The following RNF180 variants were observed in gnomAD, a reference collection of about 807,000 sequenced individuals.
The protein encoded by RNF180 is ring finger protein 180.
Under a neutral mutation model 59.2 loss-of-function variants are expected in RNF180, and 38 were observed. The ratio of observed to expected loss-of-function variants is 0.64; its 90% CI spans 0.50 to 0.84. RNF180 has a LOEUF of 0.84. Ranked by LOEUF, RNF180 falls within the 40% of genes least tolerant of loss-of-function variation. The pLI, the probability that RNF180 is intolerant of heterozygous loss-of-function variation, is 0.00. For synonymous variants in RNF180, 262 were observed against 240.3 expected, an observed-to-expected ratio of 1.09 and a Z score of -0.84; for missense variants, 705 against 700.9, an observed-to-expected ratio of 1.01 and a Z score of -0.07.
chr5:64,327,905 TC>T (rs1183504132), intron 6 of RNF180, among the ~76,000 whole-genome samples: 2 of 152,242 alleles, frequency 1.3e-5, no homozygotes, highest in Admixed American at 6.5e-5. Flanking sequence ...TATCTCTCTC[TC>T]TTTAGATCTA....
intron 6 of RNF180, among the ~76,000 whole-genome samples, chr5:64,329,079 G>A (rs180815643): frequency 1.0e-3 from 159 of 152,286 alleles, no homozygotes; most frequent in African/African-American, 3.7e-3. Context: ...TAACTCATTA[G>A]TAAGCTTCTG....
intron 7 of RNF180, among the ~76,000 whole-genome samples, chr5:64,335,308 T>C (rs1359579370): frequency 6.6e-6 from 1 of 152,106 alleles, no homozygotes; most frequent in Non-Finnish European, 1.5e-5. Context: ...TACTTTGATA[T>C]ATTTTAATGA....
intron 2 of RNF180, among the ~76,000 whole-genome samples, chr5:64,204,419 A>G (rs758689452): frequency 6.6e-6 from 1 of 152,204 alleles, no homozygotes; most frequent in Non-Finnish European, 1.5e-5. Flanking sequence ...CTCACCAACA[A>G]TAGTTCAGCA....
intron 1 of RNF180, among the ~76,000 whole-genome samples, chr5:64,198,818 ATT>A (rs60172784): frequency 2.0e-5 from 3 of 146,742 alleles, no homozygotes; most frequent in Non-Finnish European, 3.0e-5. Context: ...AAATTAAACA[ATT>A]TTTTTTTTTT....
rs147497179 is a variant in RNF180 at position 64,247,101 on chromosome 5, T to A, written c.1227+29705T>A. On this transcript the variant is annotated intron_variant, in intron 5 of 7. Transcript: ENST00000389100. ...AAACTCTCAATAAACTGAGTATTGA[T>A]GGAACATATCTCAAAATAATAAGAG... Among the ~76,000 whole-genome samples the A allele has an allele frequency of 3.9e-3, 594 of 152,282 alleles. 3 individuals are homozygous for A. The highest frequency in any genetic ancestry group is 0.014 in the African/African-American group (575 of 41,548).
chr5:64,231,736 G>A (rs1742112715), intron 5 of RNF180, among the ~76,000 whole-genome samples: 1 of 152,156 alleles, frequency 6.6e-6, no homozygotes, highest in Non-Finnish European at 1.5e-5. Context: ...GGAGAATTCT[G>A]TGCCATCTCC....
intron 1 of RNF180, among the ~76,000 whole-genome samples, chr5:64,170,063 C>G (rs7702203): frequency 6.6e-6 from 1 of 152,210 alleles, no homozygotes; most frequent in African/African-American, 2.4e-5. Flanking sequence ...GACCCTTCAT[C>G]CTCTACCTGT....
chr5:64,206,924 T>G (rs1475312633), intron 2 of RNF180, among the ~76,000 whole-genome samples: 1 of 152,086 alleles, frequency 6.6e-6, no homozygotes, highest in Non-Finnish European at 1.5e-5. Flanking sequence ...TGCTATTGTT[T>G]AAGTCATTCA....
intron 1 of RNF180, among the ~76,000 whole-genome samples, chr5:64,173,687 C>A (rs1750068727): frequency 6.6e-6 from 1 of 150,876 alleles, no homozygotes; most frequent in African/African-American, 2.4e-5. Flanking sequence ...CTGGTGACTG[C>A]TGTTTTCCTC....
intron 7 of RNF180, among the ~76,000 whole-genome samples, chr5:64,330,858 G>A (rs999780262): frequency 2.0e-5 from 3 of 152,228 alleles, no homozygotes; most frequent in African/African-American, 7.2e-5. Context: ...TAGCAGGGTG[G>A]GAGCCCTGCC....
chr5:64,276,804 T>C (rs907387707), intron 5 of RNF180, among the ~76,000 whole-genome samples: 1 of 152,112 alleles, frequency 6.6e-6, no homozygotes, highest in African/African-American at 2.4e-5. Context: ...AACCAGCGTA[T>C]TTTATTCCAC....
At chr5:64,242,171 G>A (rs1742847084) in intron 5 of RNF180, among the ~76,000 whole-genome samples, 2 of 152,036 alleles carry the variant, frequency 1.3e-5, no homozygotes, top group Non-Finnish European at 1.5e-5. Context: ...CTGCCATATT[G>A]GGCTCTGGGC....
chr5:64,311,824 G>A (rs538399027), intron 5 of RNF180, among the ~76,000 whole-genome samples: 37 of 152,064 alleles, frequency 2.4e-4, no homozygotes, highest in African/African-American at 8.2e-4. Flanking sequence ...GCTCTGATTA[G>A]ATTAAATGAT....
intron 5 of RNF180, among the ~76,000 whole-genome samples, chr5:64,315,575 T>A (rs1743994765): frequency 6.6e-6 from 1 of 151,916 alleles, no homozygotes; most frequent in Admixed American, 6.6e-5. Flanking sequence ...TGAAACCCCT[T>A]CTCTACTAAA....
chr5:64,268,506 G>A (rs1744818203), intron 5 of RNF180, among the ~76,000 whole-genome samples: 1 of 152,102 alleles, frequency 6.6e-6, no homozygotes, highest in Non-Finnish European at 1.5e-5. Flanking sequence ...ACTTGTGTAT[G>A]TATGCTCTGC....
chr5:64,173,546 A>G (rs972954142), intron 1 of RNF180, among the ~76,000 whole-genome samples: 8 of 152,126 alleles, frequency 5.3e-5, no homozygotes, highest in Non-Finnish European at 1.2e-4. Context: ...TCATCTTGCT[A>G]TGCAGTAGAT....
At chr5:64,238,904 T>C (rs1742611144) in intron 5 of RNF180, among the ~76,000 whole-genome samples, 1 of 152,176 alleles carries the variant, frequency 6.6e-6, no homozygotes, top group Non-Finnish European at 1.5e-5. Flanking sequence ...ATGAAATCAT[T>C]CCTAAGGAGA....
intron 1 of RNF180, among the ~76,000 whole-genome samples, chr5:64,191,837 C>T (rs932533620): frequency 1.2e-4 from 19 of 152,092 alleles, no homozygotes; most frequent in African/African-American, 4.3e-4. Flanking sequence ...ATTGCCTGTC[C>T]ATTTTGTGTC....
intron 1 of RNF180, among the ~76,000 whole-genome samples, chr5:64,175,134 ATT>A (rs1196673486): frequency 1.3e-5 from 2 of 151,696 alleles, no homozygotes; most frequent in Non-Finnish European, 2.9e-5. Context: ...CACCCGGCTA[ATT>A]TTGTATTTTT....
Sources: allele counts gnomAD v4.1 joint callset (sites outside exome capture counted in the v4.1 genomes callset), GRCh38; gene constraint gnomAD v4.1.1; transcripts MANE v1.5; gene names NCBI Gene and HGNC (gene_info 2026-07-23, HGNC 2026-07-21).